Variants in GM2A observed in about 807,000 individuals in gnomAD.
GM2A encodes GM2 ganglioside activator.
Under a neutral mutation model 12.9 loss-of-function variants are expected in GM2A, and 7 were observed. The observed-to-expected ratio is 0.54, with a 90% CI of 0.31 to 1.02. GM2A has a LOEUF of 1.02. GM2A is among the 50% of genes least tolerant of loss of function. The probability of loss-of-function intolerance (pLI) is 0.05; values close to 1 mark genes in which losing one functional copy is unlikely to be tolerated. For missense variants in GM2A, 246 were observed against 241.0 expected, an observed-to-expected ratio of 1.02 and a Z score of -0.14; for synonymous variants, 101 against 96.0, an observed-to-expected ratio of 1.05 and a Z score of -0.30.
intron 2 of GM2A, among the ~76,000 whole-genome samples, chr5:151,261,979 C>T (rs1276776613): frequency 6.6e-6 from 1 of 152,158 alleles, no homozygotes; most frequent in Non-Finnish European, 1.5e-5. Flanking sequence ...TCTCTAGATA[C>T]ACACTTTTTA....
At position 151,266,850 on chromosome 5, in the gene GM2A, TG is replaced by T. The variant is rs1302210667; in HGVS notation, c.367del (p.Glu123SerfsTer48). 2 of 1,614,028 alleles carry T rather than the reference TG, an allele frequency of 1.2e-6. No homozygotes were observed. The highest frequency in any genetic ancestry group is 3.3e-5 in the Admixed American group (2 of 60,022). Reference sequence around the variant, plus strand: ...ATGTGCTTGACATGTTAATTCCTACTGGGGAGCCCTGCCCAGAGCCCCTGCG... The same window carrying T: ...ATGTGCTTGACATGTTAATTCCTACTGGGAGCCCTGCCCAGAGCCCCTGCG... ...CDVLDMLIPT[G>X]EPCPEPLRTY... On this transcript the variant is annotated frameshift_variant, in exon 3 of 4. Coordinates refer to ENST00000357164, the MANE Select transcript of GM2A (RefSeq NM_000405.5). LOFTEE classifies it high-confidence loss of function.
chr5:151,260,119 G>T (rs546950047), intron 2 of GM2A, among the ~76,000 whole-genome samples: 53 of 152,292 alleles, frequency 3.5e-4, no homozygotes, highest in African/African-American at 1.2e-3. Flanking sequence ...TGATGTCAGC[G>T]CCAGCAACTT....
intron 2 of GM2A, among the ~76,000 whole-genome samples, chr5:151,263,042 G>C (rs1336287301): frequency 6.6e-6 from 1 of 150,806 alleles, no homozygotes. Context: ...TTGTGCTTAG[G>C]AAAAATTAGC....
intron 2 of GM2A, among the ~76,000 whole-genome samples, chr5:151,263,596 C>T (rs1753835876): frequency 6.6e-6 from 1 of 152,106 alleles, no homozygotes. Flanking sequence ...GGTTTGGTTC[C>T]TGAGCTTTTA....
chr5:151,258,189 TA>T (rs1414094508), intron 1 of GM2A, among the ~76,000 whole-genome samples: 2 of 152,226 alleles, frequency 1.3e-5, no homozygotes, highest in African/African-American at 4.8e-5. Flanking sequence ...AGGGGAAGTT[TA>T]TTACAGAGCT....
At chr5:151,258,878 G>A (rs1753742259) in intron 1 of GM2A, among the ~76,000 whole-genome samples, 1 of 152,138 alleles carries the variant, frequency 6.6e-6, no homozygotes, top group South Asian at 2.1e-4. Context: ...TCTCTCATAG[G>A]TGGCCTCCAG....
At position 151,268,747 on chromosome 5, in the gene GM2A, C is replaced by G. The variant is rs1753948842; in HGVS notation, c.*1296C>G. On this transcript the variant is annotated 3_prime_UTR_variant, in exon 4 of 4. Transcript: ENST00000357164. Reference sequence around the variant, plus strand: ...ATCCAGATTTGTATATGAAATCTTACCATTTTAAAAGATTGGCAGCTAATT... The same window carrying G: ...ATCCAGATTTGTATATGAAATCTTAGCATTTTAAAAGATTGGCAGCTAATT... 4.8e-6 allele frequency: 3 copies of G among 626,676 alleles called. No homozygotes were observed. Among genetic ancestry groups the G allele is most frequent in the Admixed American group, 1.3e-4 (2 of 15,800 alleles). 38.8% of individuals were successfully genotyped at this position (626,676 alleles called of 1,614,324 possible). A position where few individuals can be genotyped will look rare whatever the true frequency, so the allele number is the denominator to read the frequency against.
chr5:151,266,478 G>GTATA (rs1226028691), intron 2 of GM2A, among the ~76,000 whole-genome samples: 5 of 140,976 alleles, frequency 3.5e-5, no homozygotes, highest in Non-Finnish European at 7.9e-5. Context: ...CTAAGTCTAT[G>GTATA]TATAGTTCAG....
chr5:151,266,662 C>T, intron 2 of GM2A, 69 bp from the exon 3 acceptor site: 1 of 1,110,174 alleles, frequency 9.0e-7, no homozygotes, highest in Admixed American at 1.7e-5. Flanking sequence ...GACAGAAGAG[C>T]TGGTATGTTT....
chr5:151,270,229 C>T lies in GM2A; in HGVS notation c.*2778C>T. 1 of 546,870 alleles carries T rather than the reference C, an allele frequency of 1.8e-6. No individual in the cohort carries two copies. The highest frequency in any genetic ancestry group is 2.8e-6 in the Non-Finnish European group (1 of 361,866). The allele number at this position is 546,870 out of a possible 1,614,324, so 33.9% of individuals were successfully genotyped here. On this transcript the variant is annotated 3_prime_UTR_variant, in exon 4 of 4. Coordinates refer to ENST00000357164, the MANE Select transcript of GM2A (RefSeq NM_000405.5). ...AAGTTGAAGTTAGACCTGTACTTCACACCATATGCAAGAATGAACTCCATC... is the reference window on the plus strand; with the variant it reads ...AAGTTGAAGTTAGACCTGTACTTCATACCATATGCAAGAATGAACTCCATC...
In GM2A at chr5:151,267,880, C is replaced by T; in HGVS notation, c.*429C>T. The T allele has an allele frequency of 1.7e-6, 2 of 1,149,578 alleles. No individual in the cohort carries two copies. The highest frequency in any genetic ancestry group is 6.4e-5 in the East Asian group (1 of 15,744). The allele number at this position is 1,149,578 out of a possible 1,614,324, so 71.2% of individuals were successfully genotyped here. A position where few individuals can be genotyped will look rare whatever the true frequency, so the allele number is the denominator to read the frequency against. ...TATTAACGTTTTTGTTCTCCTCCGGCCCCCTGTTACAATGAAGGGGCAAAA... is the reference window on the plus strand; with the variant it reads ...TATTAACGTTTTTGTTCTCCTCCGGTCCCCTGTTACAATGAAGGGGCAAAA... On this transcript the variant is annotated 3_prime_UTR_variant, in exon 4 of 4. Transcript: ENST00000357164.
chr5:151,262,905 T>C (rs369285291), intron 2 of GM2A, among the ~76,000 whole-genome samples: 157 of 152,316 alleles, frequency 1.0e-3, no homozygotes, highest in African/African-American at 3.7e-3. Context: ...TCTTCTGCCC[T>C]CAGCCTGCTT....
At chr5:151,254,522 G>A (rs1753647811) in intron 1 of GM2A, among the ~76,000 whole-genome samples, 1 of 152,160 alleles carries the variant, frequency 6.6e-6, no homozygotes, top group Non-Finnish European at 1.5e-5. Flanking sequence ...TAAGGAATAG[G>A]CTTTGAGATT....
At chr5:151,259,982 G>A (rs998154333) in intron 2 of GM2A, 66 bp downstream of exon 2, 9 of 1,219,598 alleles carry the variant, frequency 7.4e-6, no homozygotes, top group Non-Finnish European at 1.1e-5. Flanking sequence ...ACTGGGGCAT[G>A]TATGCTTGGG....
Position 151,267,950 on chromosome 5 carries a change from T to A in GM2A, c.*499T>A, listed in dbSNP as rs1382303703. 5.4e-6 allele frequency: 6 copies of A among 1,120,894 alleles called. No homozygotes were observed. In the African/African-American group the frequency reaches 9.8e-5, roughly 18 times the overall value. 69.4% of individuals were successfully genotyped at this position (1,120,894 alleles called of 1,614,324 possible). A position where few individuals can be genotyped will look rare whatever the true frequency, so the allele number is the denominator to read the frequency against. On this transcript the variant is annotated 3_prime_UTR_variant, in exon 4 of 4. Coordinates refer to ENST00000357164, the MANE Select transcript of GM2A (RefSeq NM_000405.5). ...TCCTCCCTTAACTTCTGTGACTAAT[T>A]TTTATTTCCTTTCTAGATTTGCCCA... is the stretch of plus-strand genomic sequence containing the variant.
chr5:151,263,238 G>C (rs926407996), intron 2 of GM2A, among the ~76,000 whole-genome samples: 1 of 151,400 alleles, frequency 6.6e-6, no homozygotes, highest in Non-Finnish European at 1.5e-5. Context: ...GATTATAGGC[G>C]TGCACTTTTT....
At chr5:151,260,478 C>T (rs1415272526) in intron 2 of GM2A, among the ~76,000 whole-genome samples, 3 of 151,918 alleles carry the variant, frequency 2.0e-5, no homozygotes, top group Admixed American at 1.3e-4. Flanking sequence ...ATTAGCTGGG[C>T]GTGGTGGCAT....
intron 1 of GM2A, among the ~76,000 whole-genome samples, chr5:151,255,923 G>T (rs1391458903): frequency 6.6e-6 from 1 of 152,150 alleles, no homozygotes; most frequent in Admixed American, 6.5e-5. Flanking sequence ...TCTTAGATTG[G>T]CAGTTTTGAA....
chr5:151,264,390 C>T (rs1418835778), intron 2 of GM2A, among the ~76,000 whole-genome samples: 4 of 152,196 alleles, frequency 2.6e-5, no homozygotes, highest in African/African-American at 7.2e-5. Flanking sequence ...ATGAGGGAGC[C>T]ACTACCTCTT....
Sources: gnomAD v4.1 joint callset for allele counts (sites outside exome capture counted in the v4.1 genomes callset) on GRCh38, gnomAD v4.1.1 for gene constraint, MANE v1.5 for transcripts, NCBI Gene and HGNC (gene_info 2026-07-23, HGNC 2026-07-21) for gene names.